The following SYT8 variants were observed in gnomAD, a reference collection of about 807,000 sequenced individuals.
SYT8 encodes synaptotagmin 8, also known as synaptotagmin-8.
A neutral mutation model predicts 34.9 loss-of-function variants in SYT8; 50 were observed. The ratio of observed to expected loss-of-function variants is 1.43; its 90% CI spans 1.14 to 1.81. The LOEUF (loss-of-function observed/expected upper bound fraction) is 1.81. Ranked by LOEUF, SYT8 falls within the 40% of genes most tolerant of loss-of-function variation. The pLI is 0.00. For missense variants in SYT8, 595 were observed against 529.0 expected (o/e 1.12, Z -1.22); for synonymous variants, 255 against 234.2 (o/e 1.09, Z -0.81).
upstream of SYT8, among the ~76,000 whole-genome samples, chr11:1,832,373 G>A (rs1028869006): frequency 5.3e-5 from 8 of 152,332 alleles, no homozygotes; most frequent in African/African-American, 1.9e-4. Flanking sequence ...CCGGGGAGGA[G>A]GGACCGTCTC....
chr11:1,831,843 T>A (rs1192491055), upstream of SYT8: 1 of 446,832 alleles, frequency 2.2e-6, no homozygotes, highest in South Asian at 1.6e-5. Flanking sequence ...CGCCTTCGGG[T>A]GTCTGAGAGG....
Position 1,837,293 on chromosome 11 carries a change from G to A in SYT8, c.1026G>A (p.Leu342=), listed in dbSNP as rs761942840. ...HLGARASGQP[L]QHWADMLAHA... ...GTGCCCGGGCCTCGGGGCAGCCCCTGCAGCACTGGGCAGACATGCTGGCCC... is the reference window on the plus strand; with the variant it reads ...GTGCCCGGGCCTCGGGGCAGCCCCTACAGCACTGGGCAGACATGCTGGCCC... Residue 342 remains leucine (L), a synonymous_variant, in exon 8 of 8, where the codon CTG becomes CTA. Coordinates refer to ENST00000341958, the MANE Select transcript of SYT8 (RefSeq NM_001394072.1). The A allele has an allele frequency of 1.3e-6, 2 of 1,589,266 alleles. No homozygotes were observed. The highest frequency in any genetic ancestry group is 1.1e-5 in the South Asian group (1 of 89,698).
At chr11:1,834,569 A>G (rs1355155788), upstream of SYT8, 4 of 1,580,352 alleles carry the variant, frequency 2.5e-6, no homozygotes, top group Non-Finnish European at 3.4e-6. The surrounding 1 kb of genome is among the most constrained non-coding windows in gnomAD (Gnocchi z 4.5). Context: ...GGCTGCAGTG[A>G]ACATGCTCCA....
intron 2 of SYT8, chr11:1,835,665 C>A: frequency 1.3e-6 from 1 of 742,732 alleles, no homozygotes. Flanking sequence ...CCCGAGGGAG[C>A]CACAGCGGGT....
chr11:1,837,283 G>A lies in SYT8; in HGVS notation c.1016G>A (p.Gly339Glu), dbSNP rs768976872. 8 of 1,587,396 alleles carry A rather than the reference G, an allele frequency of 5.0e-6. No homozygotes were observed. The highest frequency in any genetic ancestry group is 6.8e-6 in the Non-Finnish European group (8 of 1,171,366). ...GKVHLGARAS[G>E]QPLQHWADML... ...GTGCACCTGGGTGCCCGGGCCTCGG[G>A]GCAGCCCCTGCAGCACTGGGCAGAC... The change falls in exon 8 of 8, where the codon GGG becomes GAG. Residue 339 changes from glycine (G) to glutamate (E), a missense_variant. Physicochemically the swap from Gly to Glu is moderately conservative, Grantham distance 98. Coordinates refer to ENST00000341958, the MANE Select transcript of SYT8 (RefSeq NM_001394072.1).
chr11:1,835,689 A>AGG, intron 2 of SYT8, 197 bp from the exon 3 acceptor site: 1 of 736,368 alleles, frequency 1.4e-6, no homozygotes, highest in Non-Finnish European at 2.3e-6. Context: ...TGAGGAAGGC[A>AGG]GGGGGTACCC....
At chr11:1,833,918 G>A (rs565011744), upstream of SYT8, 1 of 154,308 alleles carries the variant, frequency 6.5e-6, no homozygotes, top group African/African-American at 2.4e-5. Context: ...CCCCAGACTG[G>A]GGGGCTGCAG....
chr11:1,837,501 A>C lies in SYT8; in HGVS notation c.*70A>C. 1 of 1,563,374 alleles carries C rather than the reference A, an allele frequency of 6.4e-7. No homozygotes were observed. The highest frequency in any genetic ancestry group is 8.6e-7 in the Non-Finnish European group (1 of 1,158,300). On this transcript the variant is annotated 3_prime_UTR_variant, in exon 8 of 8. Transcript: ENST00000341958. ...CCAGGCCGCCCTGCAGGACCACTGC[A>C]ATAAACGCCTTCTCCTGCCACTGTG...
upstream of SYT8, among the ~76,000 whole-genome samples, chr11:1,832,863 C>G (rs61867130): frequency 0.14 from 21,266 of 152,066 alleles, 1,727 homozygotes; most frequent in Admixed American, 0.2. Flanking sequence ...TCTCCCCGCC[C>G]GGCCCTGACT....
upstream of SYT8, among the ~76,000 whole-genome samples, chr11:1,832,557 G>C (rs1385308000): frequency 2.0e-5 from 3 of 152,118 alleles, no homozygotes; most frequent in Non-Finnish European, 4.4e-5. Context: ...AGCGCCCAAG[G>C]GTCTCCAGGG....
chr11:1,837,196 T>G lies in SYT8; in HGVS notation c.929T>G (p.Val310Gly). ...CTCTGGCCTGTCTCTGCACAGAATG[T>G]GGACCTGGTGCTGGCTGTCTGGGAC... ...FLVPFSQVQNVDLVLAVWDRS... is the reference protein window; with the variant it reads ...FLVPFSQVQNGDLVLAVWDRS... Residue 310 changes from valine to glycine, a missense_variant, in exon 8 of 8, where the codon GTG (valine) becomes GGG (glycine). Coordinates refer to ENST00000341958, the MANE Select transcript of SYT8 (RefSeq NM_001394072.1). The G allele has an allele frequency of 1.9e-6, 3 of 1,572,070 alleles. No individual in the cohort carries two copies. The highest frequency in any genetic ancestry group is 2.6e-6 in the Non-Finnish European group (3 of 1,158,424).
chr11:1,831,915 G>A (rs184178310), upstream of SYT8: 637 of 367,696 alleles, frequency 1.7e-3, 3 homozygotes, highest in African/African-American at 0.013. Context: ...ATTTACACCT[G>A]GGGGGCTGCC....
intron 3 of SYT8, 38 bp from the exon 4 acceptor site, chr11:1,836,088 C>G (rs1473344069): frequency 1.3e-6 from 2 of 1,539,022 alleles, no homozygotes; most frequent in Admixed American, 2.1e-5. Context: ...GCTGACAGGG[C>G]AGGGGCCCTT....
At chr11:1,835,790 G>A (rs781055658) in intron 2 of SYT8, 96 bp from the exon 3 acceptor site, 3 of 1,109,662 alleles carry the variant, frequency 2.7e-6, no homozygotes, top group South Asian at 2.6e-5. Flanking sequence ...GAGGCGGGGG[G>A]TCTTGACCCA....
chr11:1,836,305 T>A (rs758649361), intron 4 of SYT8, 21 bp downstream of exon 4: 3 of 1,508,448 alleles, frequency 2.0e-6, no homozygotes, highest in Non-Finnish European at 2.7e-6. Flanking sequence ...GATGGTCGGC[T>A]GGGTGGGCCT....
Position 1,836,155 on chromosome 11 carries a change from C to T in SYT8, c.387C>T (p.Asp129=), listed in dbSNP as rs1846908861. The change falls in exon 4 of 8, where the codon GAC becomes GAT. Residue 129 remains aspartate (D), a synonymous_variant. Coordinates refer to ENST00000341958, the MANE Select transcript of SYT8 (RefSeq NM_001394072.1). The part of the protein sequence containing the change: ...EIRVGLRQAA[D]LRPGGTVDPY... Reference sequence around the variant, plus strand: ...GGGTGGGCCTGAGGCAGGCAGCCGACCTGAGGCCTGGGGGCACCGTGGACC... The same window carrying T: ...GGGTGGGCCTGAGGCAGGCAGCCGATCTGAGGCCTGGGGGCACCGTGGACC... 1 of 1,511,132 alleles carries T rather than the reference C, an allele frequency of 6.6e-7. No individual in the cohort carries two copies. Among genetic ancestry groups the T allele is most frequent in the Non-Finnish European group, 8.8e-7 (1 of 1,131,000 alleles). 93.6% of individuals were successfully genotyped at this position (1,511,132 alleles called of 1,614,324 possible). A position where few individuals can be genotyped will look rare whatever the true frequency, so the allele number is the denominator to read the frequency against.
Position 1,837,294 on chromosome 11 carries a change from C to T in SYT8, c.1027C>T (p.Gln343Ter). ...TGCCCGGGCCTCGGGGCAGCCCCTG[C>T]AGCACTGGGCAGACATGCTGGCCCA... ...LGARASGQPL[Q>*]HWADMLAHAR... Residue 343 changes from glutamine to a stop codon, truncating the protein, a stop_gained, in exon 8 of 8, where the codon CAG (glutamine) becomes TAG (stop). Transcript: ENST00000341958. LOFTEE classifies it low-confidence loss of function (END_TRUNC). 3 of 1,589,250 alleles carry T rather than the reference C, an allele frequency of 1.9e-6. No individual in the cohort carries two copies. In the South Asian group the frequency reaches 3.3e-5, roughly 18 times the overall value.
Position 1,835,446 on chromosome 11 carries a change from C to T in SYT8, c.245C>T (p.Thr82Ile). Reference protein sequence around the residue: ...SVGLGSARGTTTTHLVQPDVD... With the variant: ...SVGLGSARGTITTHLVQPDVD... The stretch of plus-strand genomic sequence containing the variant: ...GGTCTGGGCAGTGCCCGCGGCACCA[C>T]CACCACCCACCTGGTGAGGAGCGGC... Residue 82 changes from threonine (T) to isoleucine (I), a missense_variant, in exon 2 of 8, where the codon ACC (threonine) becomes ATC (isoleucine). By Grantham distance (89) the Thr-to-Ile change is moderately conservative. Transcript: ENST00000341958. The T allele has an allele frequency of 6.2e-7, 1 of 1,609,564 alleles. No homozygotes were observed.
chr11:1,835,485 A>C, intron 2 of SYT8, 26 bp downstream of exon 2: 1 of 1,606,548 alleles, frequency 6.2e-7, no homozygotes, highest in Non-Finnish European at 8.5e-7. Flanking sequence ...TTGCTCACTC[A>C]GTCCAGAGAG....
Sources: allele counts gnomAD v4.1 joint callset (sites outside exome capture counted in the v4.1 genomes callset), GRCh38; gene constraint gnomAD v4.1.1; non-coding constraint Gnocchi (gnomAD v3.1); transcripts MANE v1.5; gene names NCBI Gene and HGNC (gene_info 2026-07-23, HGNC 2026-07-21).